The following PCDHGA1 variants were observed in gnomAD, a reference collection of about 807,000 sequenced individuals.
PCDHGA1 encodes the protein protocadherin gamma-A1.
PCDHGA1 carries 32 observed loss-of-function variants against 58.0 expected under a neutral mutation model. That is an observed-to-expected ratio of 0.55 (90% CI 0.42 to 0.74). The LOEUF (loss-of-function observed/expected upper bound fraction) is 0.74. PCDHGA1 is among the 30% of genes least tolerant of loss of function. The pLI is 0.00. For missense variants in PCDHGA1, 1,205 were observed against 1,182.3 expected (o/e 1.02, Z -0.28); for synonymous variants, 498 against 501.1 (o/e 0.99, Z 0.08).
chr5:141,454,128 C>T (rs988254902), intron 1 of PCDHGA1, among the ~76,000 whole-genome samples: 4 of 152,122 alleles, frequency 2.6e-5, no homozygotes, highest in African/African-American at 7.2e-5. Flanking sequence ...AATAGCTGAC[C>T]ATGGGAATGT....
In PCDHGA1 at chr5:141,447,883, C is replaced by T. The variant is rs184337553; in HGVS notation, c.2422-46924C>T. Among the ~76,000 whole-genome samples the T allele has an allele frequency of 3.9e-3, 599 of 152,000 alleles. 3 individuals are homozygous for T. The highest frequency in any genetic ancestry group is 0.014 in the African/African-American group (563 of 41,452). ...GGTGAATCATCTGAGGTCAGGAGTT[C>T]GAGACCAGCCTGGCCAACATGGTGA... On this transcript the variant is annotated intron_variant, in intron 1 of 3. Coordinates refer to ENST00000517417, the MANE Select transcript of PCDHGA1 (RefSeq NM_018912.3).
At chr5:141,340,603 C>G (rs1283666005) in intron 1 of PCDHGA1, 3 of 1,614,082 alleles carry the variant, frequency 1.9e-6, no homozygotes, top group Non-Finnish European at 2.5e-6. Flanking sequence ...CACTCAGTAG[C>G]AATGTATCAT....
At chr5:141,345,524 G>C (rs1181733698) in intron 1 of PCDHGA1, 6 of 1,614,082 alleles carry the variant, frequency 3.7e-6, no homozygotes, top group Non-Finnish European at 5.1e-6. Flanking sequence ...ACACTCTCCA[G>C]GGGGCGCCCC....
chr5:141,454,956 G>A (rs62379171), intron 1 of PCDHGA1, among the ~76,000 whole-genome samples: 5,077 of 149,940 alleles, frequency 0.034, 97 homozygotes, highest in Middle Eastern at 0.091. Context: ...TACAGGCGCC[G>A]GCCACCACGC....
chr5:141,363,028 C>A (rs1346880305), intron 1 of PCDHGA1, among the ~76,000 whole-genome samples: 1 of 152,190 alleles, frequency 6.6e-6, no homozygotes, highest in African/African-American at 2.4e-5. Flanking sequence ...GGACATTGTC[C>A]CATTGACTTG....
intron 1 of PCDHGA1, among the ~76,000 whole-genome samples, 197 bp from the exon 2 acceptor site, chr5:141,494,610 T>C (rs1428159953): frequency 6.6e-6 from 1 of 152,152 alleles, no homozygotes; most frequent in Non-Finnish European, 1.5e-5. Flanking sequence ...GATTTATCTC[T>C]TGGTTTCTGG....
At chr5:141,371,198 C>T (rs1262437618) in intron 1 of PCDHGA1, 124 of 1,613,890 alleles carry the variant, frequency 7.7e-5, no homozygotes, top group Non-Finnish European at 1.0e-4. Context: ...TGGCCATTGA[C>T]ATGGATGAGG....
rs758013542 is a variant in PCDHGA1 at position 141,418,314 on chromosome 5, C to A, written c.2422-76493C>A. 9 of 1,613,988 alleles carry A rather than the reference C, an allele frequency of 5.6e-6. No homozygotes were observed. In the East Asian group the frequency reaches 1.3e-4, roughly 24 times the overall value. On this transcript the variant is annotated intron_variant, in intron 1 of 3. Coordinates refer to ENST00000517417, the MANE Select transcript of PCDHGA1 (RefSeq NM_018912.3). ...GAATCCGTCAGCCTGGGGATGGGAACAATTCTTGAGTCTGCAGAAGATCCT... is the reference window on the plus strand; with the variant it reads ...GAATCCGTCAGCCTGGGGATGGGAAAAATTCTTGAGTCTGCAGAAGATCCT...
At position 141,491,733 on chromosome 5, in the gene PCDHGA1, TGGGGGCGGCAC is replaced by T; in HGVS notation, c.2422-3073_2422-3063del. 1.9e-6 allele frequency: 3 copies of T among 1,602,698 alleles called. No individual in the cohort carries two copies. The highest frequency in any genetic ancestry group is 2.6e-6 in the Non-Finnish European group (3 of 1,175,258). On this transcript the variant is annotated intron_variant, in intron 1 of 3. Coordinates refer to ENST00000517417, the MANE Select transcript of PCDHGA1 (RefSeq NM_018912.3). The surrounding 1 kb of genome is among the most constrained non-coding windows in gnomAD (Gnocchi z 6.9). ...GCTCGGCGCCGCCCCGGGCGACCCC[TGGGGGCGGCAC>T]TGGAGAAGCCGCCCGTCCTCATAAG...
intron 1 of PCDHGA1, chr5:141,370,587 A>G (rs775639424): frequency 6.8e-6 from 11 of 1,613,960 alleles, no homozygotes; most frequent in Non-Finnish European, 8.5e-6. Context: ...ACCTACTAGG[A>G]ACCTGCGGGT....
intron 1 of PCDHGA1, chr5:141,433,226 C>G (rs1433770157): frequency 6.6e-7 from 1 of 1,514,890 alleles, no homozygotes; most frequent in Non-Finnish European, 9.0e-7. Context: ...TTTTTAATTG[C>G]TCTGTCTCCC....
rs183549806 is a variant in PCDHGA1 at position 141,487,760 on chromosome 5, G to A, written c.2422-7047G>A. ...TGTAAGAGGTAACTATGTGGTAGAC[G>A]CTGTGCTTTGTAACTGTTTCGTGAA... On this transcript the variant is annotated intron_variant, in intron 1 of 3. Transcript: ENST00000517417. The surrounding 1 kb of genome is among the most constrained non-coding windows in gnomAD (Gnocchi z 5.0). 42 of 1,545,950 alleles carry A rather than the reference G, an allele frequency of 2.7e-5. No homozygotes were observed. The African/African-American group carries it at 3.8e-4, about 14-fold the overall frequency.
At chr5:141,466,654 C>A (rs985749176) in intron 1 of PCDHGA1, among the ~76,000 whole-genome samples, 12 of 152,178 alleles carry the variant, frequency 7.9e-5, no homozygotes, top group African/African-American at 2.9e-4. Flanking sequence ...TTTCACAAAA[C>A]ATCAGTGATT....
At chr5:141,371,667 A>G in intron 1 of PCDHGA1, 1 of 1,614,022 alleles carries the variant, frequency 6.2e-7, no homozygotes, top group Non-Finnish European at 8.5e-7. Flanking sequence ...GATCACAGCT[A>G]CCGACAAAGG....
chr5:141,436,713 G>T (rs2097842329), intron 1 of PCDHGA1, among the ~76,000 whole-genome samples: 1 of 152,190 alleles, frequency 6.6e-6, no homozygotes, highest in Non-Finnish European at 1.5e-5. Context: ...TCGATGTTCT[G>T]TTGGGAAAAA....
intron 1 of PCDHGA1, among the ~76,000 whole-genome samples, chr5:141,386,638 G>A (rs1376557329): frequency 6.6e-6 from 1 of 151,840 alleles, no homozygotes; most frequent in Non-Finnish European, 1.5e-5. Flanking sequence ...CACCCAGGCT[G>A]GATACATTTT....
intron 1 of PCDHGA1, among the ~76,000 whole-genome samples, chr5:141,429,535 T>TG (rs1278730394): frequency 2.0e-5 from 3 of 152,168 alleles, no homozygotes; most frequent in Non-Finnish European, 4.4e-5. Flanking sequence ...CTTAAAAAAA[T>TG]AAGAACATGG....
At chr5:141,372,809 G>C (rs1484993556) in intron 1 of PCDHGA1, 5 of 1,587,612 alleles carry the variant, frequency 3.1e-6, no homozygotes, top group Non-Finnish European at 4.3e-6. Context: ...ATTTGCAAAA[G>C]GTGAGTTTCT....
chr5:141,344,629 C>T, intron 1 of PCDHGA1: 1 of 1,613,912 alleles, frequency 6.2e-7, no homozygotes, highest in Non-Finnish European at 8.5e-7. Context: ...CTGGAGCGGG[C>T]CCTGGACCGT....
Sources: gnomAD v4.1 joint callset for allele counts (sites outside exome capture counted in the v4.1 genomes callset) on GRCh38, gnomAD v4.1.1 for gene constraint, Gnocchi (gnomAD v3.1) non-coding constraint, MANE v1.5 for transcripts, NCBI Gene and HGNC (gene_info 2026-07-23, HGNC 2026-07-21) for gene names.